The following MAF variants were observed in gnomAD, a reference collection of about 807,000 sequenced individuals.
The protein encoded by MAF is transcription factor Maf.
Under a neutral mutation model 22.0 loss-of-function variants are expected in MAF, and 10 were observed. That is an observed-to-expected ratio of 0.45 (90% CI 0.28 to 0.77). MAF has a LOEUF of 0.77. Among genes scored for constraint, MAF ranks in the 30% least tolerant of loss-of-function variants. MAF has a pLI of 0.12. For synonymous variants in MAF, 337 were observed against 255.8 expected, an observed-to-expected ratio of 1.32 and a Z score of -3.03; for missense variants, 544 against 548.4, an observed-to-expected ratio of 0.99 and a Z score of 0.08.
At chr16:79,242,412 G>A in the MAF span, among the ~76,000 whole-genome samples, 36 of 150,714 alleles carry the variant, frequency 2.4e-4, no homozygotes, top group African/African-American at 8.8e-4. Context: ...CCTAGTCTCT[G>A]ATAAAAAAAG....
the MAF span, among the ~76,000 whole-genome samples, chr16:79,552,307 G>A: frequency 1.3e-5 from 2 of 151,912 alleles, no homozygotes; most frequent in African/African-American, 4.8e-5. Context: ...TCGAACTCCT[G>A]GGCTCAAGCA....
At chr16:79,351,227 A>G in the MAF span, among the ~76,000 whole-genome samples, 2 of 152,208 alleles carry the variant, frequency 1.3e-5, no homozygotes. Context: ...AAAGCTAAAC[A>G]GTGGGGCTGC....
At chr16:79,331,286 G>T in the MAF span, among the ~76,000 whole-genome samples, 1 of 152,196 alleles carries the variant, frequency 6.6e-6, no homozygotes, top group Non-Finnish European at 1.5e-5. Context: ...AACATATACA[G>T]GCAGGAAGAC....
At chr16:79,436,732 G>A in the MAF span, among the ~76,000 whole-genome samples, 43 of 152,216 alleles carry the variant, frequency 2.8e-4, no homozygotes, top group African/African-American at 9.6e-4. Context: ...TATATTTGTC[G>A]GTTTCACTGG....
chr16:79,441,950 C>T, the MAF span, among the ~76,000 whole-genome samples: 1 of 152,128 alleles, frequency 6.6e-6, no homozygotes, highest in Non-Finnish European at 1.5e-5. Flanking sequence ...CAGAGAGGCA[C>T]AGAGCAAAAG....
chr16:79,281,544 G>T, the MAF span, among the ~76,000 whole-genome samples: 1 of 136,904 alleles, frequency 7.3e-6, no homozygotes, highest in Non-Finnish European at 1.5e-5. Context: ...ACTCTTTGAA[G>T]ACTTTTTTTT....
At chr16:79,357,272 A>T in the MAF span, among the ~76,000 whole-genome samples, 8 of 147,986 alleles carry the variant, frequency 5.4e-5, no homozygotes, top group African/African-American at 7.8e-5. Context: ...AACAACAACA[A>T]CAACAACAAC....
At chr16:79,279,377 T>G in the MAF span, among the ~76,000 whole-genome samples, 1 of 151,688 alleles carries the variant, frequency 6.6e-6, no homozygotes, top group Non-Finnish European at 1.5e-5. Flanking sequence ...TACAAGGAGG[T>G]TTCACTTCTA....
the MAF span, among the ~76,000 whole-genome samples, chr16:79,454,463 C>T: frequency 1.3e-5 from 2 of 152,068 alleles, no homozygotes; most frequent in African/African-American, 4.8e-5. Flanking sequence ...TCCATCCAAC[C>T]CAGCTAGTAG....
the MAF span, among the ~76,000 whole-genome samples, chr16:79,501,027 G>C: frequency 8.8e-4 from 134 of 152,202 alleles, no homozygotes; most frequent in African/African-American, 3.2e-3. Flanking sequence ...TGTTGCCTAG[G>C]GCTTCCATAA....
chr16:79,514,688 T>G, the MAF span, among the ~76,000 whole-genome samples: 1 of 152,168 alleles, frequency 6.6e-6, no homozygotes, highest in Non-Finnish European at 1.5e-5. Flanking sequence ...AGACCCAATC[T>G]CCATCCTTCT....
chr16:79,475,965 AG>A, the MAF span, among the ~76,000 whole-genome samples: 1 of 152,212 alleles, frequency 6.6e-6, no homozygotes, highest in Non-Finnish European at 1.5e-5. Context: ...GAAAAGGTGC[AG>A]GGATATTTTT....
chr16:79,211,153 T>TTCTACCTGA, the MAF span, among the ~76,000 whole-genome samples: 6 of 152,086 alleles, frequency 3.9e-5, no homozygotes, highest in South Asian at 2.1e-4. Context: ...CACTTGGGTT[T>TTCTACCTGA]TCTACCTGAT....
the MAF span, chr16:79,212,170 C>T: frequency 2.7e-6 from 4 of 1,482,104 alleles, no homozygotes; most frequent in Non-Finnish European, 3.6e-6. Flanking sequence ...ACCACGGCCA[C>T]CACTGCAGCC....
At chr16:79,540,157 G>A in the MAF span, among the ~76,000 whole-genome samples, 1 of 151,840 alleles carries the variant, frequency 6.6e-6, no homozygotes, top group Admixed American at 6.6e-5. Context: ...GAGGCAGGTG[G>A]AGGACCAGAG....
At chr16:79,369,983 C>G in the MAF span, among the ~76,000 whole-genome samples, 10 of 152,196 alleles carry the variant, frequency 6.6e-5, no homozygotes, top group African/African-American at 2.4e-4. Context: ...TTTCTTGGCA[C>G]TCAGTAGAAA....
At chr16:79,472,473 AG>A in the MAF span, among the ~76,000 whole-genome samples, 1 of 152,202 alleles carries the variant, frequency 6.6e-6, no homozygotes, top group Admixed American at 6.5e-5. Flanking sequence ...ATGCCACATC[AG>A]GGGGAAACCT....
chr16:79,480,293 G>A, the MAF span, among the ~76,000 whole-genome samples: 1 of 151,940 alleles, frequency 6.6e-6, no homozygotes, highest in Non-Finnish European at 1.5e-5. Flanking sequence ...GGTGAAACTG[G>A]GCAGGCAGAA....
chr16:79,542,551 A>C, the MAF span, among the ~76,000 whole-genome samples: 2 of 152,284 alleles, frequency 1.3e-5, no homozygotes, highest in South Asian at 4.1e-4. Flanking sequence ...GAAGCAGGGA[A>C]AGAAAGAGGG....
Sources: gnomAD v4.1 joint callset for allele counts (sites outside exome capture counted in the v4.1 genomes callset) on GRCh38, gnomAD v4.1.1 for gene constraint, MANE v1.5 for transcripts, NCBI Gene and HGNC (gene_info 2026-07-23, HGNC 2026-07-21) for gene names.